Variants in PCDHGB4 observed in about 807,000 individuals in gnomAD.
The protein encoded by PCDHGB4 is protocadherin gamma subfamily B, 4, also known as protocadherin gamma-B4.
Under a neutral mutation model 60.5 loss-of-function variants are expected in PCDHGB4, and 38 were observed. That is an observed-to-expected ratio of 0.63 (90% CI 0.48 to 0.82). PCDHGB4 has a LOEUF of 0.82. Among genes scored for constraint, PCDHGB4 ranks in the 40% least tolerant of loss-of-function variants. PCDHGB4 has a pLI of 0.00. For missense variants in PCDHGB4, 1,109 were observed against 1,209.6 expected, an observed-to-expected ratio of 0.92 and a Z score of 1.23; for synonymous variants, 456 against 509.7, an observed-to-expected ratio of 0.89 and a Z score of 1.42.
chr5:141,410,068 C>A, intron 1 of PCDHGB4: 1 of 1,612,950 alleles, frequency 6.2e-7, no homozygotes. Context: ...TGGGGCTGCG[C>A]ACTGGGGAGG....
chr5:141,450,210 G>T (rs2098673599), intron 1 of PCDHGB4, among the ~76,000 whole-genome samples: 1 of 151,786 alleles, frequency 6.6e-6, no homozygotes. Flanking sequence ...TAGAGACAAG[G>T]TTTCACTATG....
At chr5:141,414,360 A>G (rs1177384414) in intron 1 of PCDHGB4, 1 of 1,613,800 alleles carries the variant, frequency 6.2e-7, no homozygotes, top group Non-Finnish European at 8.5e-7. Context: ...CGTATCTACC[A>G]TTTAAATTAG....
intron 1 of PCDHGB4, chr5:141,392,643 AAGAC>A: frequency 1.5e-6 from 1 of 663,020 alleles, no homozygotes; most frequent in Middle Eastern, 4.0e-4. Context: ...ACACCTCACG[AAGAC>A]CCGCAGATGC....
rs1004061582 is a variant in PCDHGB4, at chr5:141,477,406, A to C, written c.2398-17401A>C. ...AATACAACCTCAGCATCACCGCCCG[A>C]GACGCCGGAACCCCTTCCCTCTCAG... On this transcript the variant is annotated intron_variant, in intron 1 of 3. Transcript: ENST00000519479. The surrounding 1 kb of genome is among the most constrained non-coding windows in gnomAD (Gnocchi z 4.9). 6.2e-7 allele frequency: 1 copy of C among 1,614,036 alleles called. No homozygotes were observed. Among genetic ancestry groups the C allele is most frequent in the Admixed American group, 1.7e-5 (1 of 59,994 alleles).
rs1460072742 is a variant in PCDHGB4, at chr5:141,399,761, G to A, written c.2397+9480G>A. 3 of 1,613,238 alleles carry A rather than the reference G, an allele frequency of 1.9e-6. No individual in the cohort carries two copies. The highest frequency in any genetic ancestry group is 1.7e-4 in the Middle Eastern group (1 of 5,918). On this transcript the variant is annotated intron_variant, in intron 1 of 3. Transcript: ENST00000519479. The stretch of plus-strand genomic sequence containing the variant: ...GCGCTCAGCGCAAACGTGAGCCTGC[G>A]CGTGTTGGTGGGCGACCGAAACGAC...
At chr5:141,410,319 C>A in intron 1 of PCDHGB4, 2 of 1,614,018 alleles carry the variant, frequency 1.2e-6, no homozygotes, top group Admixed American at 1.7e-5. Flanking sequence ...TTCCTCCTCG[C>A]CGTGATTCTG....
chr5:141,388,223 A>G lies in PCDHGB4; in HGVS notation c.339A>G (p.Pro113=). 1 of 1,602,840 alleles carries G rather than the reference A, an allele frequency of 6.2e-7. No homozygotes were observed. Among genetic ancestry groups the G allele is most frequent in the Non-Finnish European group, 8.5e-7 (1 of 1,171,408 alleles). ...AATTTGAGGCTGTTGCTGAAAATCC[A>G]CTGAACTTTTATCACGTGAATGTGG... ...ALEFEAVAEN[P]LNFYHVNVEI... is the part of the protein sequence containing the mutation. The change falls in exon 1 of 4, where the codon CCA becomes CCG. Residue 113 remains proline (P), a synonymous_variant. Transcript: ENST00000519479.
chr5:141,416,096 T>C (rs2095991930), intron 1 of PCDHGB4: 1 of 161,152 alleles, frequency 6.2e-6, no homozygotes, highest in South Asian at 2.0e-4. Flanking sequence ...AGAAGGGCAA[T>C]AGGCCTTTTT....
rs143939286 is a variant in PCDHGB4 at position 141,427,522 on chromosome 5, T to C, written c.2397+37241T>C. 6.1e-3 allele frequency: 3,716 copies of C among 607,796 alleles called. 27 individuals are homozygous for C. The highest frequency in any genetic ancestry group is 8.8e-3 in the Non-Finnish European group (2,868 of 324,656). The allele number at this position is 607,796 out of a possible 1,614,324, so 37.7% of individuals were successfully genotyped here. A position where few individuals can be genotyped will look rare whatever the true frequency, so the allele number is the denominator to read the frequency against. On this transcript the variant is annotated intron_variant, in intron 1 of 3. Transcript: ENST00000519479. ...GATGGGACCCTGGATTGGGAGCGGATCCCGGAGTACAACGTCACCATCACT... is the reference window on the plus strand; with the variant it reads ...GATGGGACCCTGGATTGGGAGCGGACCCCGGAGTACAACGTCACCATCACT...
chr5:141,423,957 T>G, intron 1 of PCDHGB4: 1 of 1,183,084 alleles, frequency 8.5e-7, no homozygotes, highest in Non-Finnish European at 1.1e-6. Context: ...TTTAGTATTA[T>G]TTTTCTATTA....
chr5:141,433,837 C>CAAAAAAAAA (rs56191208), intron 1 of PCDHGB4, among the ~76,000 whole-genome samples: 1 of 111,704 alleles, frequency 9.0e-6, no homozygotes, highest in Non-Finnish European at 1.9e-5. Flanking sequence ...AACTCTATCT[C>CAAAAAAAAA]AAAAAAAAAA....
intron 1 of PCDHGB4, chr5:141,402,809 C>A: frequency 4.9e-6 from 6 of 1,214,046 alleles, no homozygotes; most frequent in Non-Finnish European, 6.6e-6. Flanking sequence ...CCGGCAGATA[C>A]CACAAACCTG....
At chr5:141,429,329 A>G (rs1561840804) in intron 1 of PCDHGB4, among the ~76,000 whole-genome samples, 1 of 152,122 alleles carries the variant, frequency 6.6e-6, no homozygotes, top group Non-Finnish European at 1.5e-5. Flanking sequence ...TCTTTAATCC[A>G]TTAACTATAA....
intron 1 of PCDHGB4, among the ~76,000 whole-genome samples, chr5:141,434,819 A>G (rs2097719619): frequency 6.6e-6 from 1 of 151,946 alleles, no homozygotes; most frequent in Admixed American, 6.6e-5. Flanking sequence ...TATATCCCTT[A>G]GTACACTTGG....
At chr5:141,414,964 G>C (rs1245472476) in intron 1 of PCDHGB4, 11 of 1,613,874 alleles carry the variant, frequency 6.8e-6, no homozygotes, top group Non-Finnish European at 9.3e-6. Context: ...CAAGGTGGTG[G>C]CGGTGGACAG....
intron 1 of PCDHGB4, among the ~76,000 whole-genome samples, chr5:141,442,843 G>C (rs1264073611): frequency 2.0e-5 from 3 of 152,134 alleles, no homozygotes; most frequent in African/African-American, 7.2e-5. Flanking sequence ...GACAAATCTT[G>C]GCCATTGTAG....
chr5:141,406,258 G>C (rs895877034), intron 1 of PCDHGB4, among the ~76,000 whole-genome samples: 13 of 151,882 alleles, frequency 8.6e-5, no homozygotes, highest in South Asian at 2.1e-4. Flanking sequence ...GGTCTCAAAC[G>C]ATCTTCCTGC....
chr5:141,478,849 C>A, intron 1 of PCDHGB4: 1 of 1,375,282 alleles, frequency 7.3e-7, no homozygotes, highest in Non-Finnish European at 9.6e-7. Flanking sequence ...TAAGCTAAAA[C>A]ACAAGATCTC....
chr5:141,433,262 T>A, intron 1 of PCDHGB4: 1 of 1,339,436 alleles, frequency 7.5e-7, no homozygotes, highest in Non-Finnish European at 1.0e-6. Flanking sequence ...GGTACGATCA[T>A]AGCTCACTGC....
Sources: gnomAD v4.1 joint callset for allele counts (sites outside exome capture counted in the v4.1 genomes callset) on GRCh38, gnomAD v4.1.1 for gene constraint, Gnocchi (gnomAD v3.1) non-coding constraint, MANE v1.5 for transcripts, NCBI Gene and HGNC (gene_info 2026-07-23, HGNC 2026-07-21) for gene names.